Variants in DCDC1 observed in about 807,000 individuals in gnomAD.
The protein encoded by DCDC1 is doublecortin domain containing 1.
A neutral mutation model predicts 178.3 loss-of-function variants in DCDC1; 200 were observed. The observed-to-expected ratio is 1.12, with a 90% CI of 1.00 to 1.26. The LOEUF (loss-of-function observed/expected upper bound fraction) is 1.26, where lower values mean the gene tolerates loss of function less well. Ranked by LOEUF, DCDC1 falls within the 50% of genes most tolerant of loss-of-function variation. DCDC1 has a pLI of 0.00. For missense variants in DCDC1, 1,983 were observed against 1,749.2 expected (o/e 1.13, Z -2.38); for synonymous variants, 690 against 604.8 (o/e 1.14, Z -2.07).
chr11:31,119,191 G>A (rs1163273916), intron 11 of DCDC1, among the ~76,000 whole-genome samples: 1 of 152,114 alleles, frequency 6.6e-6, no homozygotes, highest in Non-Finnish European at 1.5e-5. Flanking sequence ...CCTTTAAAAT[G>A]GGCAGTCCAA....
At chr11:31,304,933 C>T (rs2137575145) in intron 6 of DCDC1, among the ~76,000 whole-genome samples, 1 of 152,146 alleles carries the variant, frequency 6.6e-6, no homozygotes, top group Non-Finnish European at 1.5e-5. Flanking sequence ...GCTTTTATTT[C>T]TCCCTTAAAA....
At chr11:30,980,869 GGAAGA>G (rs1261784197) in intron 20 of DCDC1, among the ~76,000 whole-genome samples, 2 of 152,068 alleles carry the variant, frequency 1.3e-5, no homozygotes, top group African/African-American at 2.4e-5. Flanking sequence ...TCTGCCCAAA[GGAAGA>G]GAAATCACTA....
At chr11:31,018,096 T>A (rs1054187341) in intron 20 of DCDC1, among the ~76,000 whole-genome samples, 2 of 151,736 alleles carry the variant, frequency 1.3e-5, no homozygotes, top group Admixed American at 6.6e-5. Flanking sequence ...AAAAAAAAAA[T>A]ATGTATACAT....
chr11:31,006,267 G>T (rs1951841574), intron 20 of DCDC1, among the ~76,000 whole-genome samples: 1 of 152,086 alleles, frequency 6.6e-6, no homozygotes, highest in Admixed American at 6.6e-5. Flanking sequence ...TCCTGCAAAG[G>T]TTACTTCCTG....
chr11:31,150,743 GC>G (rs1430872526), intron 9 of DCDC1, among the ~76,000 whole-genome samples: 3 of 100,146 alleles, frequency 3.0e-5, no homozygotes, highest in Admixed American at 1.9e-4. Context: ...CAACATAATT[GC>G]TTTTTCCCTT....
chr11:30,921,193 G>A (rs1045340142), intron 24 of DCDC1, among the ~76,000 whole-genome samples: 1 of 151,990 alleles, frequency 6.6e-6, no homozygotes, highest in Non-Finnish European at 1.5e-5. Context: ...ATTCAAATGG[G>A]CTACATTATT....
chr11:31,055,538 A>G (rs1300245291), intron 20 of DCDC1, among the ~76,000 whole-genome samples: 1 of 152,216 alleles, frequency 6.6e-6, no homozygotes, highest in Non-Finnish European at 1.5e-5. Flanking sequence ...TATATGAAAA[A>G]GATTCTTGCA....
intron 20 of DCDC1, among the ~76,000 whole-genome samples, chr11:31,036,589 A>G (rs1360407232): frequency 6.6e-6 from 1 of 152,214 alleles, no homozygotes; most frequent in Non-Finnish European, 1.5e-5. Context: ...ATTTAGTAAA[A>G]CAGGATTATA....
chr11:31,334,952 G>T (rs913318141), intron 2 of DCDC1, among the ~76,000 whole-genome samples: 2 of 152,160 alleles, frequency 1.3e-5, no homozygotes, highest in African/African-American at 4.8e-5. Context: ...AGACGGGGAC[G>T]TTTAAGTCTG....
intron 9 of DCDC1, among the ~76,000 whole-genome samples, chr11:31,160,819 T>G (rs1966248126): frequency 6.6e-6 from 1 of 152,210 alleles, no homozygotes; most frequent in African/African-American, 2.4e-5. Flanking sequence ...TAGAACACCA[T>G]TTCCTGGACC....
intron 9 of DCDC1, among the ~76,000 whole-genome samples, chr11:31,240,918 G>A (rs565464411): frequency 6.0e-4 from 91 of 151,918 alleles, no homozygotes; most frequent in South Asian, 1.5e-3. Context: ...GACAAAATCC[G>A]GTTTAACCTG....
chr11:31,279,328 C>A (rs1310844430), intron 7 of DCDC1, among the ~76,000 whole-genome samples: 2 of 152,156 alleles, frequency 1.3e-5, no homozygotes, highest in African/African-American at 2.4e-5. Context: ...AAATACACAG[C>A]AGTTCTACAG....
chr11:30,868,409 C>G (rs1449239014), intron 38 of DCDC1, among the ~76,000 whole-genome samples: 1 of 151,884 alleles, frequency 6.6e-6, no homozygotes, highest in East Asian at 1.9e-4. Context: ...CACCACCACA[C>G]GTGGTTAATT....
intron 20 of DCDC1, among the ~76,000 whole-genome samples, chr11:31,034,983 T>A (rs1953930074): frequency 6.6e-6 from 1 of 152,194 alleles, no homozygotes; most frequent in Admixed American, 6.5e-5. Context: ...ATGTTTTAGG[T>A]CCAGGCAAAA....
intron 9 of DCDC1, among the ~76,000 whole-genome samples, chr11:31,174,162 C>T (rs989158579): frequency 2.6e-5 from 4 of 152,150 alleles, no homozygotes; most frequent in Non-Finnish European, 4.4e-5. Flanking sequence ...CAACTGCAGC[C>T]GCCCAGCTGC....
chr11:30,971,962 A>G (rs2134692705), intron 20 of DCDC1, among the ~76,000 whole-genome samples: 1 of 152,318 alleles, frequency 6.6e-6, no homozygotes, highest in East Asian at 1.9e-4. Flanking sequence ...AAAGAAAAAC[A>G]AAGTCTACAT....
At chr11:30,926,384 T>C (rs992371627) in intron 22 of DCDC1, among the ~76,000 whole-genome samples, 3 of 152,160 alleles carry the variant, frequency 2.0e-5, no homozygotes, top group African/African-American at 7.2e-5. Context: ...CAGAAAGCCA[T>C]TGAAGGCATT....
chr11:31,279,181 ATAGT>A (rs1946224108), intron 7 of DCDC1, among the ~76,000 whole-genome samples: 1 of 152,112 alleles, frequency 6.6e-6, no homozygotes, highest in Non-Finnish European at 1.5e-5. Context: ...TGTTAAATGA[ATAGT>A]TAAGTATTTC....
chr11:31,173,505 T>C (rs540818666), intron 9 of DCDC1, among the ~76,000 whole-genome samples: 27 of 152,324 alleles, frequency 1.8e-4, no homozygotes, highest in African/African-American at 5.8e-4. Flanking sequence ...TATCTCTGGA[T>C]TGTATAAATT....
Sources: gnomAD v4.1 joint callset for allele counts (sites outside exome capture counted in the v4.1 genomes callset) on GRCh38, gnomAD v4.1.1 for gene constraint, MANE v1.5 for transcripts, NCBI Gene and HGNC (gene_info 2026-07-23, HGNC 2026-07-21) for gene names.